WDR45: variants seen among roughly 807,000 people sequenced by gnomAD.
The protein encoded by WDR45 is WD repeat domain phosphoinositide-interacting protein 4.
WDR45 carries 2 observed loss-of-function variants against 27.3 expected under a neutral mutation model. The observed-to-expected ratio is 0.07, with a 90% confidence interval of 0.03 to 0.23. The LOEUF is 0.23. Among genes scored for constraint, WDR45 ranks in the 10% least tolerant of loss-of-function variants. The pLI is 1.00. For missense variants in WDR45, 175 were observed against 311.9 expected, an observed-to-expected ratio of 0.56 and a Z score of 3.31; for synonymous variants, 99 against 119.2, an observed-to-expected ratio of 0.83 and a Z score of 1.11.
intron 10 of WDR45, 87 bp downstream of exon 10, chrX:49,075,049 C>T: frequency 8.5e-7 from 1 of 1,171,414 alleles, no homozygotes; most frequent in Non-Finnish European, 1.2e-6. Flanking sequence ...GAAGCTGAGC[C>T]TCACATGGCC....
At chrX:49,086,465 AAAC>A (rs2065086479) in intron 2 of WDR45, among the ~76,000 whole-genome samples, 1 of 110,706 alleles carries the variant, frequency 9.0e-6, no homozygotes, top group African/African-American at 3.3e-5. Context: ...ACATCTCTTT[AAAC>A]AACTGCCCCT....
chrX:49,093,529 CTTTTTTT>C (rs781832245), intron 2 of WDR45, among the ~76,000 whole-genome samples: 1 of 91,317 alleles, frequency 1.1e-5, no homozygotes, highest in Admixed American at 1.2e-4. Flanking sequence ...AATCAGCCTT[CTTTTTTT>C]TTTTTTTTTT....
intron 2 of WDR45, among the ~76,000 whole-genome samples, chrX:49,091,387 G>C (rs1340073983): frequency 4.5e-5 from 5 of 111,027 alleles, no homozygotes; most frequent in Non-Finnish European, 9.5e-5. Flanking sequence ...GTTGCAGTGA[G>C]CCGAGATCGC....
intron 2 of WDR45, among the ~76,000 whole-genome samples, chrX:49,099,481 G>T (rs1300518209): frequency 9.0e-6 from 1 of 111,490 alleles, no homozygotes. Context: ...TAAGAGAAAA[G>T]GAAAGAACAA....
chrX:49,075,753 C>G lies in WDR45; in HGVS notation c.517G>C (p.Asp173His), dbSNP rs1296011421. Reference protein sequence around the residue: ...GHKCGSLQLVDLASTKPGTSS... With the variant: ...GHKCGSLQLVHLASTKPGTSS... ...GTGCCAGGCTTTGTGCTCGCCAGGT[C>G]CTGGGGTAGGAGGGAGGAGTCTGAG... Residue 173 changes from aspartate to histidine, a missense_variant and splice_region_variant, in exon 8 of 11, where the codon GAC becomes CAC. By Grantham distance (81) the Asp-to-His change is moderately conservative (BLOSUM62 -1). Transcript: ENST00000376372. 8.3e-7 allele frequency: 1 copy of G among 1,203,394 alleles called. No individual in the cohort carries two copies. Among genetic ancestry groups the G allele is most frequent in the East Asian group, 3.0e-5 (1 of 33,608 alleles).
intron 2 of WDR45, among the ~76,000 whole-genome samples, chrX:49,099,756 G>A (rs2065138533): frequency 9.3e-6 from 1 of 107,468 alleles, no homozygotes; most frequent in South Asian, 4.0e-4. Flanking sequence ...ACTCTAGCCT[G>A]GGCGACAGAG....
At position 49,075,706 on chromosome X, in the gene WDR45, G is replaced by T; in HGVS notation, c.564C>A (p.Ile188=). The change falls in exon 8 of 11, where the codon ATC becomes ATA. Residue 188 remains isoleucine (I), a synonymous_variant. Transcript: ENST00000376372. ...KPGTSSAPFT[I]NAHQSDIACV... is the part of the protein sequence containing the mutation. ...AGGCTATGTCACTCTGATGTGCATT[G>T]ATCGTGAATGGAGCAGACGAGGTGC... The T allele has an allele frequency of 1.7e-6, 2 of 1,210,816 alleles. No homozygotes were observed. Among genetic ancestry groups the T allele is most frequent in the Non-Finnish European group, 2.2e-6 (2 of 895,066 alleles).
chrX:49,083,525 C>A (rs1038171704), upstream of WDR45, among the ~76,000 whole-genome samples: 39 of 110,239 alleles, frequency 3.5e-4, no homozygotes, highest in African/African-American at 1.1e-3. Flanking sequence ...CAGACTCAAA[C>A]GTACTGTAAT....
intron 2 of WDR45, among the ~76,000 whole-genome samples, chrX:49,089,648 A>G (rs1479992181): frequency 1.8e-5 from 2 of 109,487 alleles, no homozygotes; most frequent in African/African-American, 6.6e-5. Flanking sequence ...GTAGCTGGCC[A>G]TGGTGGTGCA....
At chrX:49,076,866 A>T (rs782259993) in intron 4 of WDR45, 116 bp from the exon 5 acceptor site, 1 of 567,696 alleles carries the variant, frequency 1.8e-6, no homozygotes, top group Non-Finnish European at 3.0e-6. Context: ...TAGCCTTTCA[A>T]TAAACAACCA....
intron 4 of WDR45, chrX:49,076,964 A>G: frequency 2.4e-6 from 1 of 409,889 alleles, no homozygotes; most frequent in Admixed American, 4.3e-5. Context: ...AGATGAGGAA[A>G]CTGAGGTTCA....
intron 2 of WDR45, among the ~76,000 whole-genome samples, chrX:49,096,723 C>T (rs781946560): frequency 1.8e-5 from 2 of 112,400 alleles, no homozygotes; most frequent in Non-Finnish European, 3.8e-5. Flanking sequence ...GGATTACAGG[C>T]ATGAGCCACC....
In WDR45 at chrX:49,077,656, G is replaced by A; in HGVS notation, c.222C>T (p.Phe74=). 2 of 1,199,101 alleles carry A rather than the reference G, an allele frequency of 1.7e-6. No homozygotes were observed. The highest frequency in any genetic ancestry group is 3.0e-5 in the East Asian group (1 of 33,075). Residue 74 remains phenylalanine (F), a synonymous_variant, in exon 4 of 11, where the codon TTC becomes TTT. Transcript: ENST00000376372. ...GAGGGCACTTACCTGAGATCTCTGA[G>A]AACTTGGGACTACTACCACCGCCCA... ...ALVGGGSSPK[F]SEISVLIWDD...
intron 2 of WDR45, among the ~76,000 whole-genome samples, chrX:49,089,367 C>T (rs975827506): frequency 5.4e-5 from 6 of 110,576 alleles, no homozygotes; most frequent in African/African-American, 1.6e-4. Context: ...TAAAAACTTC[C>T]ACTGAGGAAG....
At chrX:49,083,862 G>A (rs1367115410), upstream of WDR45, among the ~76,000 whole-genome samples, 5 of 100,098 alleles carry the variant, frequency 5.0e-5, no homozygotes, top group Admixed American at 1.1e-4. Flanking sequence ...CGGGAGAATC[G>A]CTTGAACCCG....
At chrX:49,094,226 TG>T (rs1311757249) in intron 2 of WDR45, among the ~76,000 whole-genome samples, 1 of 110,865 alleles carries the variant, frequency 9.0e-6, no homozygotes, top group Admixed American at 9.7e-5. Flanking sequence ...CCCAGCACTA[TG>T]GGAGGCCAAG....
intron 2 of WDR45, among the ~76,000 whole-genome samples, chrX:49,087,052 T>G (rs1012246590): frequency 1.0e-5 from 1 of 98,583 alleles, no homozygotes; most frequent in Non-Finnish European, 2.1e-5. Context: ...TTGTTTTTTG[T>G]TTTTTTTTTT....
chrX:49,081,696 A>G (rs1194715157), upstream of WDR45, among the ~76,000 whole-genome samples: 1 of 106,513 alleles, frequency 9.4e-6, no homozygotes, highest in African/African-American at 3.4e-5. Context: ...CGTCTCAAAA[A>G]AAAAGGGCTG....
rs781971416 is a variant in WDR45, at chrX:49,090,506, T to C, written c.-18+9699A>G. On this transcript the variant is annotated intron_variant, in intron 2 of 11. Coordinates refer to the WDR45 transcript ENST00000356463. ...TACAACTATAAGAAAAGGAATGACC[T>C]ATTGAAACATGGAACAAACCTGGTG... Among the ~76,000 whole-genome samples the C allele has an allele frequency of 8.0e-5, 9 of 112,073 alleles. No individual in the cohort carries two copies. In the South Asian group the frequency reaches 3.3e-3, roughly 41 times the overall value.
Sources: allele counts gnomAD v4.1 joint callset (sites outside exome capture counted in the v4.1 genomes callset), GRCh38; gene constraint gnomAD v4.1.1; transcripts MANE v1.5; gene names NCBI Gene and HGNC (gene_info 2026-07-23, HGNC 2026-07-21).